The following PTPRD variants were observed in gnomAD, a reference collection of about 807,000 sequenced individuals.
The protein encoded by PTPRD is protein tyrosine phosphatase receptor type D.
Under a neutral mutation model 214.5 loss-of-function variants are expected in PTPRD, and 34 were observed. The ratio of observed to expected loss-of-function variants is 0.16; its 90% CI spans 0.12 to 0.21. PTPRD has a LOEUF of 0.21. Among genes scored for constraint, PTPRD ranks in the 10% least tolerant of loss-of-function variants. The probability of loss-of-function intolerance (pLI) is 1.00; values close to 1 mark genes in which losing one functional copy is unlikely to be tolerated. For synonymous variants in PTPRD, 1,128 were observed against 845.7 expected (o/e 1.33, Z -5.79); for missense variants, 2,545 against 2,398.7 (o/e 1.06, Z -1.27).
chr9:10,097,958 T>A (rs1186489840), intron 3 of PTPRD, among the ~76,000 whole-genome samples: 2 of 151,662 alleles, frequency 1.3e-5, no homozygotes, highest in South Asian at 2.1e-4. Context: ...ATCTAGAACT[T>A]GAAATACCAT....
intron 11 of PTPRD, among the ~76,000 whole-genome samples, chr9:8,955,776 C>G (rs2099128378): frequency 6.6e-6 from 1 of 151,812 alleles, no homozygotes; most frequent in Non-Finnish European, 1.5e-5. Flanking sequence ...TCACACACAT[C>G]TAACTCCTGT....
chr9:10,211,248 C>T (rs897015466), intron 3 of PTPRD, among the ~76,000 whole-genome samples: 5 of 151,832 alleles, frequency 3.3e-5, no homozygotes, highest in Admixed American at 6.6e-5. Context: ...GATTTAAGTG[C>T]CTGAAGAGCA....
intron 7 of PTPRD, among the ~76,000 whole-genome samples, chr9:9,628,052 T>TG (rs2095477050): frequency 6.6e-6 from 1 of 152,222 alleles, no homozygotes; most frequent in Non-Finnish European, 1.5e-5. Context: ...GCATTTAACA[T>TG]GGGATTTCCT....
chr9:8,451,317 T>C (rs561461543), intron 33 of PTPRD, among the ~76,000 whole-genome samples: 8 of 152,290 alleles, frequency 5.3e-5, no homozygotes, highest in African/African-American at 1.9e-4. Flanking sequence ...AGGTGTCAGA[T>C]ACAGCCTTGG....
chr9:8,929,785 G>GTATATATATGTGTGTA (rs1207684966), intron 11 of PTPRD, among the ~76,000 whole-genome samples: 9,818 of 77,144 alleles, frequency 0.13, 2,766 homozygotes, highest in East Asian at 0.64. Context: ...ATATGGGTGT[G>GTATATATATGTGTGTA]TATATATGTG....
chr9:10,274,038 C>A (rs2094552138), intron 3 of PTPRD, among the ~76,000 whole-genome samples: 1 of 152,064 alleles, frequency 6.6e-6, no homozygotes, highest in Non-Finnish European at 1.5e-5. Context: ...GAATTTCATT[C>A]TTGAGAAATT....
intron 13 of PTPRD, 48 bp from the exon 14 acceptor site, chr9:8,633,506 C>T (rs2154321146): frequency 1.3e-6 from 2 of 1,599,438 alleles, no homozygotes. Flanking sequence ...CAATTGTCTA[C>T]CTCTCAGCTA....
At chr9:9,803,703 C>A (rs563217015) in intron 5 of PTPRD, 1 of 151,880 alleles carries the variant, frequency 6.6e-6, no homozygotes, top group East Asian at 1.9e-4. Flanking sequence ...GCATTTTTTT[C>A]TCTTTTCTTT....
chr9:9,986,263 C>T (rs577979368), intron 4 of PTPRD, among the ~76,000 whole-genome samples: 1 of 152,104 alleles, frequency 6.6e-6, no homozygotes, highest in African/African-American at 2.4e-5. Flanking sequence ...TAGGAAATAA[C>T]TGGACAATAG....
At chr9:10,220,423 G>T (rs557515120) in intron 3 of PTPRD, among the ~76,000 whole-genome samples, 1 of 151,746 alleles carries the variant, frequency 6.6e-6, no homozygotes, top group African/African-American at 2.4e-5. Context: ...CATAGTAGTT[G>T]GTGGAACCAA....
At chr9:8,446,907 T>G (rs1288660062) in intron 34 of PTPRD, among the ~76,000 whole-genome samples, 4 of 152,208 alleles carry the variant, frequency 2.6e-5, no homozygotes, top group Non-Finnish European at 4.4e-5. Context: ...CTCATCCTAT[T>G]GGCAAGTAAT....
At chr9:9,272,008 G>C (rs1001090717) in intron 9 of PTPRD, among the ~76,000 whole-genome samples, 2 of 151,160 alleles carry the variant, frequency 1.3e-5, no homozygotes, top group African/African-American at 4.8e-5. Context: ...GACAGAAGCA[G>C]GTTAGCATAG....
At chr9:9,962,037 C>A (rs955534722) in intron 4 of PTPRD, among the ~76,000 whole-genome samples, 2 of 151,852 alleles carry the variant, frequency 1.3e-5, no homozygotes, top group Non-Finnish European at 2.9e-5. Flanking sequence ...AGAAAATAAT[C>A]CCATAGAAAC....
At chr9:8,473,250 T>A (rs950253002) in intron 30 of PTPRD, among the ~76,000 whole-genome samples, 1 of 152,198 alleles carries the variant, frequency 6.6e-6, no homozygotes, top group African/African-American at 2.4e-5. Context: ...CCATTCATTT[T>A]CTTTACTACA....
chr9:10,421,781 G>T (rs1014073132), intron 2 of PTPRD, among the ~76,000 whole-genome samples: 1 of 151,262 alleles, frequency 6.6e-6, no homozygotes, highest in Non-Finnish European at 1.5e-5. Flanking sequence ...ATTCCATTTT[G>T]TGCTCAGTTT....
chr9:10,605,836 A>T (rs970394022), intron 2 of PTPRD, among the ~76,000 whole-genome samples: 1 of 151,824 alleles, frequency 6.6e-6, no homozygotes, highest in Admixed American at 6.6e-5. Context: ...CTTGACACAT[A>T]GGAGACTCAA....
chr9:9,791,478 C>T (rs1266696482), intron 5 of PTPRD, among the ~76,000 whole-genome samples: 5 of 152,046 alleles, frequency 3.3e-5, no homozygotes, highest in Non-Finnish European at 7.4e-5. Flanking sequence ...CAGGGCTCAT[C>T]TTGTGTGGAA....
In PTPRD at chr9:8,589,600, A is replaced by G. The variant is rs570302924; in HGVS notation, c.352+43717T>C. 3.9e-5 allele frequency among the ~76,000 whole-genome samples: 6 copies of G among 152,306 alleles called. No individual in the cohort carries two copies. The East Asian group carries it at 1.2e-3, about 29-fold the overall frequency. On this transcript the variant is annotated intron_variant, in intron 14 of 45. Transcript: ENST00000381196. Reference sequence around the variant, plus strand: ...ACCATAAGCTATTTGTGACTTAAAAACTAGAACATGGAGTTCAGAACACAA... The same window carrying G: ...ACCATAAGCTATTTGTGACTTAAAAGCTAGAACATGGAGTTCAGAACACAA...
intron 7 of PTPRD, among the ~76,000 whole-genome samples, chr9:9,626,071 G>A (rs1359722279): frequency 6.6e-6 from 1 of 152,162 alleles, no homozygotes; most frequent in Non-Finnish European, 1.5e-5. Context: ...TGCAAAAACA[G>A]GCAAAGAACT....
Sources: allele counts gnomAD v4.1 joint callset (sites outside exome capture counted in the v4.1 genomes callset), GRCh38; gene constraint gnomAD v4.1.1; transcripts MANE v1.5; gene names NCBI Gene and HGNC (gene_info 2026-07-23, HGNC 2026-07-21).